Variants in RPF2 observed in about 807,000 individuals in gnomAD.
The protein encoded by RPF2 is ribosome production factor 2 homolog.
RPF2 carries 21 observed loss-of-function variants against 38.9 expected under a neutral mutation model. The observed-to-expected ratio is 0.54, with a 90% CI of 0.38 to 0.78. RPF2 has a LOEUF of 0.78. RPF2 is among the 30% of genes least tolerant of loss of function. The probability of loss-of-function intolerance (pLI) is 0.00; values close to 1 mark genes in which losing one functional copy is unlikely to be tolerated. For synonymous variants in RPF2, 121 were observed against 126.2 expected (o/e 0.96, Z 0.28); for missense variants, 314 against 358.1 (o/e 0.88, Z 0.99).
chr6:110,982,280 G>A, intron 1 of RPF2, 151 bp downstream of exon 1: 1 of 823,754 alleles, frequency 1.2e-6, no homozygotes, highest in South Asian at 1.6e-5. Context: ...CCTCCTCAGC[G>A]CGAGCTGCTT....
chr6:111,016,876 G>T (rs1380479472), intron 8 of RPF2, among the ~76,000 whole-genome samples: 1 of 151,278 alleles, frequency 6.6e-6, no homozygotes, highest in Admixed American at 6.6e-5. Flanking sequence ...TTAGGGAGTG[G>T]TGATGACTCT....
rs183311895 is a variant in RPF2, at chr6:111,002,722, G to A, written c.393+2935G>A. On this transcript the variant is annotated intron_variant, in intron 6 of 9. Transcript: ENST00000441448. ...TATAACTATAAATTTTATTAATTGA[G>A]AATGTGCTTACATTGGCAATTCCTA... Among the ~76,000 whole-genome samples the A allele has an allele frequency of 4.7e-3, 715 of 151,860 alleles. 5 individuals carry two copies. The highest frequency in any genetic ancestry group is 7.5e-3 in the Non-Finnish European group (509 of 67,996).
At chr6:111,008,916 T>TTTTTTTTTTTTTTTTA (rs1299956032) in intron 7 of RPF2, among the ~76,000 whole-genome samples, 1 of 142,068 alleles carries the variant, frequency 7.0e-6, no homozygotes, top group East Asian at 2.3e-4. Context: ...TTTTTTTTTT[T>TTTTTTTTTTTTTTTTA]AAAGATAGAG....
At chr6:111,025,371 C>A in intron 9 of RPF2, 32 bp from the exon 10 acceptor site, 17 of 1,443,128 alleles carry the variant, frequency 1.2e-5, no homozygotes, top group Non-Finnish European at 1.6e-5. Flanking sequence ...TAGTAGAAGG[C>A]CATTAAATAT....
chr6:111,012,690 A>G (rs4424124), intron 7 of RPF2, among the ~76,000 whole-genome samples: 19,632 of 151,226 alleles, frequency 0.13, 1,757 homozygotes, highest in East Asian at 0.5. Flanking sequence ...TATTTTTTGA[A>G]ATGGAGTCTC....
chr6:111,020,275 G>C (rs979138124), intron 8 of RPF2, among the ~76,000 whole-genome samples: 2 of 151,862 alleles, frequency 1.3e-5, no homozygotes, highest in African/African-American at 2.4e-5. Context: ...GAGTACAGTG[G>C]CATCATCTCA....
chr6:111,016,683 C>CTTTTTTTTTTTTTTTTTT, intron 8 of RPF2, among the ~76,000 whole-genome samples: 1 of 105,942 alleles, frequency 9.4e-6, no homozygotes, highest in African/African-American at 4.1e-5. Context: ...TTTTTTTTTT[C>CTTTTTTTTTTTTTTTTTT]TTTCTTTTTT....
At chr6:111,012,775 T>G (rs1772042356) in intron 7 of RPF2, among the ~76,000 whole-genome samples, 2 of 152,158 alleles carry the variant, frequency 1.3e-5, no homozygotes, top group African/African-American at 4.8e-5. Flanking sequence ...GTTCAAGCGA[T>G]TCTTCTGCCC....
Position 111,024,324 on chromosome 6 carries a change from C to T in RPF2, c.738C>T (p.Leu246=). Residue 246 remains leucine (L), a synonymous_variant, in exon 9 of 10, where the codon CTC becomes CTT. Transcript: ENST00000441448. ...TATCTATGAAAATGCCAAAAGCTCT[C>T]AAGGTATATAACTTAGAGCTTGGTA... ...YKLSMKMPKA[L]KPKKKKNISH... is the part of the protein sequence containing the mutation. 5 of 1,607,628 alleles carry T rather than the reference C, an allele frequency of 3.1e-6. No homozygotes were observed. The highest frequency in any genetic ancestry group is 4.2e-6 in the Non-Finnish European group (5 of 1,178,316).
intron 4 of RPF2, among the ~76,000 whole-genome samples, chr6:110,993,775 G>A (rs1021448795): frequency 3.3e-5 from 5 of 152,062 alleles, no homozygotes; most frequent in South Asian, 2.1e-4. Context: ...CCAGACCTAC[G>A]GAGCTCAAAA....
chr6:111,008,249 A>T, intron 7 of RPF2, 112 bp downstream of exon 7: 1 of 1,178,306 alleles, frequency 8.5e-7, no homozygotes, highest in Non-Finnish European at 1.1e-6. Flanking sequence ...CTCTTATTTT[A>T]AAAATAATAT....
rs902407399 is a variant in RPF2 at position 110,999,853 on chromosome 6, G to T, written c.393+66G>T. ...CTCTTGACCAGTAGTGACATCTTGT[G>T]GTGAAGAGTACTGATAGAGTTTTGT... On this transcript the variant is annotated intron_variant, in intron 6 of 9. Transcript: ENST00000441448. The T allele has an allele frequency of 3.4e-6, 3 of 880,584 alleles. No individual in the cohort carries two copies. In the African/African-American group the frequency reaches 4.9e-5, roughly 14 times the overall value. 54.5% of individuals were successfully genotyped at this position (880,584 alleles called of 1,614,324 possible). A position where few individuals can be genotyped will look rare whatever the true frequency, so the allele number is the denominator to read the frequency against.
intron 3 of RPF2, among the ~76,000 whole-genome samples, 157 bp from the exon 4 acceptor site, chr6:110,991,590 A>G (rs1343378317): frequency 6.6e-6 from 1 of 152,174 alleles, no homozygotes; most frequent in Non-Finnish European, 1.5e-5. Context: ...ACTAGCTCCT[A>G]GAATGGTAGC....
rs1022399721 is a variant in RPF2, at chr6:111,025,602, A to G, written c.*20A>G. 6.3e-6 allele frequency: 10 copies of G among 1,584,224 alleles called. No individual in the cohort carries two copies. The highest frequency in any genetic ancestry group is 3.3e-4 in the Middle Eastern group (2 of 5,990). On this transcript the variant is annotated 3_prime_UTR_variant, in exon 10 of 10. Transcript: ENST00000441448. ...AATTGATGGAACTTAGCCAGCCACTACTGTTTCATTGTGTTCTACTTAAGA... is the reference window on the plus strand; with the variant it reads ...AATTGATGGAACTTAGCCAGCCACTGCTGTTTCATTGTGTTCTACTTAAGA...
intron 8 of RPF2, among the ~76,000 whole-genome samples, chr6:111,023,822 C>A (rs1017982731): frequency 4.6e-5 from 7 of 151,838 alleles, no homozygotes; most frequent in African/African-American, 1.5e-4. Context: ...CCCATCTCTA[C>A]TAAAAATACA....
intron 7 of RPF2, among the ~76,000 whole-genome samples, chr6:111,012,704 C>T (rs992708848): frequency 2.0e-5 from 3 of 152,128 alleles, no homozygotes; most frequent in Non-Finnish European, 4.4e-5. Context: ...GAGTCTCACT[C>T]TGTCACCCAG....
chr6:111,024,685 C>T (rs1451794500), intron 9 of RPF2, among the ~76,000 whole-genome samples: 2 of 136,586 alleles, frequency 1.5e-5, no homozygotes, highest in African/African-American at 2.8e-5. Context: ...TGCACTCCAG[C>T]GTGGGTGACA....
Position 111,025,635 on chromosome 6 carries a change from C to A in RPF2, c.*53C>A. On this transcript the variant is annotated 3_prime_UTR_variant, in exon 10 of 10. Coordinates refer to ENST00000441448, the MANE Select transcript of RPF2 (RefSeq NM_032194.3). ...ATTGTGTTCTACTTAAGAGAATTATCAAGCGTCAATCCATTCAGAGTTTCT... is the reference window on the plus strand; with the variant it reads ...ATTGTGTTCTACTTAAGAGAATTATAAAGCGTCAATCCATTCAGAGTTTCT... The A allele has an allele frequency of 7.4e-7, 1 of 1,354,418 alleles. No individual in the cohort carries two copies. Among genetic ancestry groups the A allele is most frequent in the Non-Finnish European group, 1.0e-6 (1 of 981,698 alleles). The allele number at this position is 1,354,418 out of a possible 1,614,324, so 83.9% of individuals were successfully genotyped here.
At chr6:111,001,670 C>T (rs761699232) in intron 6 of RPF2, among the ~76,000 whole-genome samples, 1 of 152,106 alleles carries the variant, frequency 6.6e-6, no homozygotes, top group Non-Finnish European at 1.5e-5. Context: ...ATTATAGTGT[C>T]TCTTTGGGAC....
Sources: gnomAD v4.1 joint callset for allele counts (sites outside exome capture counted in the v4.1 genomes callset) on GRCh38, gnomAD v4.1.1 for gene constraint, MANE v1.5 for transcripts, NCBI Gene and HGNC (gene_info 2026-07-23, HGNC 2026-07-21) for gene names.